TMEM62: variants seen among roughly 807,000 people sequenced by gnomAD.
TMEM62 encodes the protein transmembrane protein 62.
Under a neutral mutation model 70.4 loss-of-function variants are expected in TMEM62, and 41 were observed. The ratio of observed to expected loss-of-function variants is 0.58; its 90% CI spans 0.45 to 0.76. The LOEUF is 0.76. Among genes scored for constraint, TMEM62 ranks in the 30% least tolerant of loss-of-function variants. The pLI is 0.00. For synonymous variants in TMEM62, 268 were observed against 291.0 expected (o/e 0.92, Z 0.80); for missense variants, 688 against 788.5 (o/e 0.87, Z 1.53).
chr15:43,169,785 C>T, intron 11 of TMEM62, 108 bp downstream of exon 11: 2 of 864,044 alleles, frequency 2.3e-6, no homozygotes, highest in South Asian at 1.7e-5. Flanking sequence ...TGACCATGGC[C>T]CAGGGAAAAC....
intron 7 of TMEM62, among the ~76,000 whole-genome samples, chr15:43,151,540 TGCC>T (rs1268888066): frequency 6.6e-6 from 1 of 152,184 alleles, no homozygotes; most frequent in African/African-American, 2.4e-5. Flanking sequence ...AAAGAGTACA[TGCC>T]GTGTACCAGG....
chr15:43,183,688 C>G (rs950415364), intron 13 of TMEM62, among the ~76,000 whole-genome samples: 1 of 151,478 alleles, frequency 6.6e-6, no homozygotes, highest in African/African-American at 2.4e-5. Flanking sequence ...AATGTAAGCT[C>G]TATGACGGAC....
At chr15:43,152,477 C>A (rs1375545824) in intron 8 of TMEM62, among the ~76,000 whole-genome samples, 2 of 152,176 alleles carry the variant, frequency 1.3e-5, no homozygotes. Context: ...TCACTGCAAC[C>A]ACTGCCTCCC....
At chr15:43,174,834 A>G (rs1289566680) in intron 11 of TMEM62, among the ~76,000 whole-genome samples, 2 of 152,368 alleles carry the variant, frequency 1.3e-5, no homozygotes, top group African/African-American at 2.4e-5. Context: ...ACAGCATTCT[A>G]TACCAATTAC....
At chr15:43,161,461 C>T (rs1467101087) in intron 10 of TMEM62, among the ~76,000 whole-genome samples, 2 of 148,186 alleles carry the variant, frequency 1.3e-5, no homozygotes, top group Non-Finnish European at 3.1e-5. Flanking sequence ...TTTCTTTCCA[C>T]ATCAATAATA....
chr15:43,160,974 T>G (rs1360536877), intron 10 of TMEM62, among the ~76,000 whole-genome samples, 180 bp downstream of exon 10: 1 of 152,200 alleles, frequency 6.6e-6, no homozygotes, highest in African/African-American at 2.4e-5. Context: ...TCTTGTAACT[T>G]TATTATAGTA....
chr15:43,183,535 G>A (rs1596375888), intron 13 of TMEM62, among the ~76,000 whole-genome samples: 1 of 152,058 alleles, frequency 6.6e-6, no homozygotes, highest in East Asian at 1.9e-4. Context: ...ACTTCCCTCC[G>A]CTGATTCATT....
At chr15:43,165,916 G>C (rs1003933043) in intron 10 of TMEM62, among the ~76,000 whole-genome samples, 2 of 152,054 alleles carry the variant, frequency 1.3e-5, no homozygotes, top group Admixed American at 1.3e-4. Context: ...ATGGTCTCTG[G>C]TGCCTTATTT....
Position 43,169,580 on chromosome 15 carries a change from T to C in TMEM62, c.1297-13T>C. 1 of 1,611,536 alleles carries C rather than the reference T, an allele frequency of 6.2e-7. No individual in the cohort carries two copies. ...CATGTATCTATTTCACGTTAACATC[T>C]ATTTCCCTGCAGGCCCGGGTCCTTT... is the stretch of plus-strand genomic sequence containing the variant. On this transcript the variant is annotated splice_polypyrimidine_tract_variant and intron_variant, in intron 10 of 13. Coordinates refer to ENST00000260403, the MANE Select transcript of TMEM62 (RefSeq NM_024956.4).
intron 13 of TMEM62, among the ~76,000 whole-genome samples, chr15:43,182,690 G>A (rs2041467376): frequency 6.6e-6 from 1 of 152,036 alleles, no homozygotes; most frequent in African/African-American, 2.4e-5. Flanking sequence ...CTGACCTCAG[G>A]TGATCCGCCC....
intron 8 of TMEM62, 86 bp from the exon 9 acceptor site, chr15:43,154,586 A>G (rs2037812457): frequency 8.2e-7 from 1 of 1,220,444 alleles, no homozygotes; most frequent in East Asian, 2.4e-5. Context: ...ATACGTGTAT[A>G]TCTGCAAGTT....
intron 10 of TMEM62, among the ~76,000 whole-genome samples, chr15:43,167,785 G>A (rs1389074512): frequency 6.6e-6 from 1 of 152,174 alleles, no homozygotes; most frequent in Non-Finnish European, 1.5e-5. Context: ...CTGGGAGGTC[G>A]AGGTTGTAGC....
Position 43,135,488 on chromosome 15 carries a change from T to G in TMEM62, c.293-24T>G. 2 of 1,571,252 alleles carry G rather than the reference T, an allele frequency of 1.3e-6. 1 individual carries two copies. Among genetic ancestry groups the G allele is most frequent in the South Asian group, 2.4e-5 (2 of 83,314 alleles). The stretch of plus-strand genomic sequence containing the variant: ...CCCAGTAGTTTATTTTGCATTGTGA[T>G]TCAATTCTTGTGTAAACCTACAGGA... On this transcript the variant is annotated intron_variant, in intron 2 of 13. Coordinates refer to ENST00000260403, the MANE Select transcript of TMEM62 (RefSeq NM_024956.4).
chr15:43,152,268 A>G (rs192632653), intron 8 of TMEM62, among the ~76,000 whole-genome samples: 8 of 152,184 alleles, frequency 5.3e-5, no homozygotes, highest in African/African-American at 1.9e-4. Context: ...TTTATAGTCT[A>G]CTTTTTAAAA....
At chr15:43,167,796 G>C (rs186089802) in intron 10 of TMEM62, among the ~76,000 whole-genome samples, 4 of 152,168 alleles carry the variant, frequency 2.6e-5, no homozygotes, top group African/African-American at 7.2e-5. Context: ...AGGTTGTAGC[G>C]AGCCGAGATC....
chr15:43,174,737 G>T (rs2040554199), intron 11 of TMEM62, among the ~76,000 whole-genome samples: 1 of 152,228 alleles, frequency 6.6e-6, no homozygotes. Context: ...CTGACCCCAG[G>T]TCAGTTCTTT....
At chr15:43,142,164 C>CTT (rs56110605) in intron 4 of TMEM62, among the ~76,000 whole-genome samples, 4 of 83,592 alleles carry the variant, frequency 4.8e-5, no homozygotes, top group African/African-American at 1.4e-4. Context: ...TAGAGAAATT[C>CTT]TTTTTTTTTT....
In TMEM62 at chr15:43,148,780, T is replaced by A. The variant is rs1446696643; in HGVS notation, c.644T>A (p.Leu215Gln). The A allele has an allele frequency of 6.8e-6, 11 of 1,614,064 alleles. No homozygotes were observed. Among genetic ancestry groups the A allele is most frequent in the Non-Finnish European group, 9.3e-6 (11 of 1,179,990 alleles). The change falls in exon 6 of 14, where the codon CTG (leucine) becomes CAG (glutamine). Residue 215 changes from leucine to glutamine, a missense_variant. Physicochemically the swap from Leu to Gln is moderately radical, Grantham distance 113. Coordinates refer to ENST00000260403, the MANE Select transcript of TMEM62 (RefSeq NM_024956.4). ...DKKKMEELLL[L>Q]AKESSRSNHT... is the part of the protein sequence containing the mutation. ...AAAAAGATGGAGGAGCTCTTATTAC[T>A]GGCCAAGGAAAGCAGTCGGAGCAAC...
intron 1 of TMEM62, 67 bp from the exon 2 acceptor site, chr15:43,134,190 G>T (rs1223629911): frequency 6.4e-7 from 1 of 1,551,728 alleles, no homozygotes; most frequent in Non-Finnish European, 8.9e-7. Flanking sequence ...GAGAGCCGCT[G>T]AGCCGCCCCT....
Sources: gnomAD v4.1 joint callset for allele counts (sites outside exome capture counted in the v4.1 genomes callset) on GRCh38, gnomAD v4.1.1 for gene constraint, MANE v1.5 for transcripts, NCBI Gene and HGNC (gene_info 2026-07-23, HGNC 2026-07-21) for gene names.